VWC2: variants seen among roughly 807,000 people sequenced by gnomAD.
VWC2 encodes the protein brorin.
VWC2 carries 14 observed loss-of-function variants against 29.8 expected under a neutral mutation model. The observed-to-expected ratio is 0.47, with a 90% CI of 0.31 to 0.74. The LOEUF (loss-of-function observed/expected upper bound fraction) is 0.74. Ranked by LOEUF, VWC2 falls within the 30% of genes least tolerant of loss-of-function variation. VWC2 has a pLI of 0.05. For synonymous variants in VWC2, 213 were observed against 199.0 expected, an observed-to-expected ratio of 1.07 and a Z score of -0.59; for missense variants, 457 against 459.8, an observed-to-expected ratio of 0.99 and a Z score of 0.05.
intron 3 of VWC2, among the ~76,000 whole-genome samples, chr7:49,809,796 A>G (rs1360073743): frequency 6.6e-6 from 1 of 152,062 alleles, no homozygotes; most frequent in African/African-American, 2.4e-5. Flanking sequence ...AACAGATGCA[A>G]AGAAGGAATT....
chr7:49,888,502 A>AT (rs1402692583), intron 3 of VWC2, among the ~76,000 whole-genome samples: 7 of 152,210 alleles, frequency 4.6e-5, no homozygotes, highest in African/African-American at 1.7e-4. Context: ...GTCACTATGA[A>AT]GGGGTTAAGA....
At chr7:49,833,120 G>C (rs189029513) in intron 3 of VWC2, among the ~76,000 whole-genome samples, 1 of 152,340 alleles carries the variant, frequency 6.6e-6, no homozygotes, top group East Asian at 1.9e-4. Flanking sequence ...ATGAGAGAAA[G>C]GAAGGTTTCC....
At chr7:49,797,193 T>A (rs1410959056) in intron 2 of VWC2, among the ~76,000 whole-genome samples, 1 of 152,226 alleles carries the variant, frequency 6.6e-6, no homozygotes, top group Non-Finnish European at 1.5e-5. Flanking sequence ...CCTCTGCTAG[T>A]CATAACTCTG....
intron 3 of VWC2, among the ~76,000 whole-genome samples, chr7:49,833,571 G>A (rs1388488401): frequency 6.6e-6 from 1 of 152,336 alleles, no homozygotes; most frequent in South Asian, 2.1e-4. Flanking sequence ...GTGATTGGGA[G>A]TGAGGAAAAA....
chr7:49,841,531 C>G (rs777292465), intron 3 of VWC2, among the ~76,000 whole-genome samples: 14 of 152,148 alleles, frequency 9.2e-5, no homozygotes, highest in Non-Finnish European at 8.8e-5. Flanking sequence ...TGACTCAGAG[C>G]TTAACTGTTA....
intron 3 of VWC2, among the ~76,000 whole-genome samples, chr7:49,900,335 T>C (rs903250415): frequency 6.6e-6 from 1 of 151,702 alleles, no homozygotes; most frequent in Non-Finnish European, 1.5e-5. Context: ...AATCTATTAA[T>C]TTAAAACAGG....
Position 49,920,957 on chromosome 7 carries a change from A to G in VWC2, c.*8772A>G, listed in dbSNP as rs1793992110. ...TATGAATTTCTGACAGTTTCTATAG[A>G]CTGAGAATAATGATATGCTTTTATA... On this transcript the variant is annotated 3_prime_UTR_variant, in exon 4 of 4. Coordinates refer to ENST00000340652, the MANE Select transcript of VWC2 (RefSeq NM_198570.5). The G allele has an allele frequency of 6.6e-6, 1 of 152,178 alleles. No homozygotes were observed. The highest frequency in any genetic ancestry group is 2.4e-5 in the African/African-American group (1 of 41,430). The allele number at this position is 152,178 out of a possible 1,614,324, so 9.4% of individuals were successfully genotyped here. A position where few individuals can be genotyped will look rare whatever the true frequency, so the allele number is the denominator to read the frequency against.
intron 2 of VWC2, among the ~76,000 whole-genome samples, chr7:49,801,518 G>A (rs1395119587): frequency 6.6e-6 from 1 of 152,212 alleles, no homozygotes; most frequent in Non-Finnish European, 1.5e-5. Context: ...ACCATGGAGG[G>A]TCCCGTTAGC....
Position 49,917,216 on chromosome 7 carries a change from C to A in VWC2, c.*5031C>A, listed in dbSNP as rs1163848886. ...TAGCTTCCATAATCTGAATGATAAC[C>A]ATTTAAAAGTGATGGTTGTTGAAAT... On this transcript the variant is annotated 3_prime_UTR_variant, in exon 4 of 4. Transcript: ENST00000340652. 6.6e-6 allele frequency: 1 copy of A among 151,978 alleles called. No homozygotes were observed. The highest frequency in any genetic ancestry group is 1.5e-5 in the Non-Finnish European group (1 of 67,976). The allele number at this position is 151,978 out of a possible 1,614,324, so 9.4% of individuals were successfully genotyped here. A position where few individuals can be genotyped will look rare whatever the true frequency, so the allele number is the denominator to read the frequency against.
intron 3 of VWC2, among the ~76,000 whole-genome samples, chr7:49,814,494 T>C (rs1789088636): frequency 6.6e-6 from 1 of 152,228 alleles, no homozygotes; most frequent in African/African-American, 2.4e-5. Context: ...CAATTTAAAA[T>C]GGCCCTTTTG....
At chr7:49,796,014 A>G (rs1259222916) in intron 2 of VWC2, among the ~76,000 whole-genome samples, 2 of 152,138 alleles carry the variant, frequency 1.3e-5, no homozygotes, top group East Asian at 3.9e-4. Flanking sequence ...AGGGGCCCCT[A>G]TCTGGGAAGG....
intron 3 of VWC2, among the ~76,000 whole-genome samples, chr7:49,901,771 A>G (rs1792743154): frequency 1.4e-5 from 2 of 148,072 alleles, no homozygotes; most frequent in Non-Finnish European, 2.9e-5. Context: ...AACTTAATAT[A>G]AAGCAATGGT....
intron 3 of VWC2, among the ~76,000 whole-genome samples, chr7:49,848,547 T>G (rs971633649): frequency 6.6e-6 from 1 of 152,228 alleles, no homozygotes; most frequent in Non-Finnish European, 1.5e-5. Context: ...TGTGGTCTGC[T>G]CTCTCGTTTC....
chr7:49,865,122 A>G (rs1344667671), intron 3 of VWC2, among the ~76,000 whole-genome samples: 1 of 152,200 alleles, frequency 6.6e-6, no homozygotes, highest in Non-Finnish European at 1.5e-5. Context: ...CCATGTAAAG[A>G]TGTAATTGAT....
chr7:49,785,258 T>A (rs1008956695), intron 2 of VWC2, among the ~76,000 whole-genome samples: 5 of 152,116 alleles, frequency 3.3e-5, no homozygotes, highest in Admixed American at 6.5e-5. Context: ...AACATAGACA[T>A]ATAGATGGAA....
intron 3 of VWC2, among the ~76,000 whole-genome samples, chr7:49,858,636 A>T (rs1790524303): frequency 6.6e-6 from 1 of 151,948 alleles, no homozygotes; most frequent in African/African-American, 2.4e-5. Context: ...GCACACCAAC[A>T]CGGCACATGT....
chr7:49,903,671 G>C (rs978540279), intron 3 of VWC2, among the ~76,000 whole-genome samples: 10 of 152,178 alleles, frequency 6.6e-5, no homozygotes, highest in South Asian at 6.2e-4. Context: ...AGTTGTATAT[G>C]CAATCAAATA....
At chr7:49,790,941 T>C (rs761654523) in intron 2 of VWC2, among the ~76,000 whole-genome samples, 6 of 151,974 alleles carry the variant, frequency 3.9e-5, no homozygotes, top group Non-Finnish European at 8.8e-5. Flanking sequence ...GCAGAGCCAT[T>C]TGCGCTCCAG....
chr7:49,789,278 TGTGA>T (rs1265429761), intron 2 of VWC2, among the ~76,000 whole-genome samples: 1 of 149,148 alleles, frequency 6.7e-6, no homozygotes, highest in Non-Finnish European at 1.5e-5. Flanking sequence ...AGCGGGTGTG[TGTGA>T]GAGTGTGAGT....
Sources: gnomAD v4.1 joint callset for allele counts (sites outside exome capture counted in the v4.1 genomes callset) on GRCh38, gnomAD v4.1.1 for gene constraint, MANE v1.5 for transcripts, NCBI Gene and HGNC (gene_info 2026-07-23, HGNC 2026-07-21) for gene names.